NFIA: variants seen among roughly 807,000 people sequenced by gnomAD.
NFIA encodes the protein nuclear factor I A.
A neutral mutation model predicts 62.8 loss-of-function variants in NFIA; 8 were observed. That is an observed-to-expected ratio of 0.13 (90% CI 0.07 to 0.23). The LOEUF is 0.23. Ranked by LOEUF, NFIA falls within the 10% of genes least tolerant of loss-of-function variation. NFIA has a pLI of 1.00. For missense variants in NFIA, 410 were observed against 642.1 expected (o/e 0.64, Z 3.91); for synonymous variants, 235 against 238.1 (o/e 0.99, Z 0.12).
chr1:61,156,567 T>C (rs1648831468), intron 2 of NFIA, among the ~76,000 whole-genome samples: 1 of 152,162 alleles, frequency 6.6e-6, no homozygotes, highest in South Asian at 2.1e-4. Context: ...CTCTAAACTG[T>C]TAGGCTGAAA....
chr1:61,166,914 G>A (rs1424549700), intron 2 of NFIA, among the ~76,000 whole-genome samples: 1 of 152,230 alleles, frequency 6.6e-6, no homozygotes, highest in Non-Finnish European at 1.5e-5. Flanking sequence ...GGCCAAGGCG[G>A]GCGGATCACA....
upstream of NFIA, among the ~76,000 whole-genome samples, chr1:61,078,643 G>C (rs1646060454): frequency 6.6e-6 from 1 of 152,170 alleles, no homozygotes; most frequent in Non-Finnish European, 1.5e-5. Context: ...TTTCACATGT[G>C]GACTAGCAGC....
intron 2 of NFIA, among the ~76,000 whole-genome samples, chr1:61,151,711 G>A (rs542608889): frequency 2.6e-5 from 4 of 152,218 alleles, no homozygotes; most frequent in South Asian, 2.1e-4. Context: ...TGCTTTGACC[G>A]AGAGACACAC....
intron 2 of NFIA, among the ~76,000 whole-genome samples, chr1:61,207,421 T>C (rs1652971959): frequency 6.6e-6 from 1 of 152,200 alleles, no homozygotes; most frequent in Non-Finnish European, 1.5e-5. Context: ...TTTTTTATTG[T>C]TTTTTAACTT....
intron 3 of NFIA, among the ~76,000 whole-genome samples, chr1:61,295,141 AT>A (rs1246223893): frequency 1.3e-5 from 2 of 152,216 alleles, no homozygotes; most frequent in Non-Finnish European, 2.9e-5. Flanking sequence ...CCATCCTCAT[AT>A]GCGCATAGCC....
chr1:61,135,690 T>C (rs575069311), intron 2 of NFIA, among the ~76,000 whole-genome samples: 7 of 152,336 alleles, frequency 4.6e-5, no homozygotes, highest in Non-Finnish European at 8.8e-5. Context: ...TTGAATTTTC[T>C]TAAACCTAAA....
intron 2 of NFIA, among the ~76,000 whole-genome samples, chr1:61,227,755 G>A (rs1654421519): frequency 6.6e-6 from 1 of 152,148 alleles, no homozygotes; most frequent in African/African-American, 2.4e-5. Context: ...TAACCAGTAA[G>A]TAAATAAAAC....
chr1:61,413,514 T>A (rs944293055), intron 9 of NFIA, among the ~76,000 whole-genome samples: 1 of 151,924 alleles, frequency 6.6e-6, no homozygotes, highest in African/African-American at 2.4e-5. Flanking sequence ...TACCTCATAC[T>A]GTAACTGAAC....
rs1055934078 is a variant in NFIA, at chr1:61,460,280, TAAA to T, written c.*4964_*4966del. On this transcript the variant is annotated 3_prime_UTR_variant, in exon 11 of 11. Coordinates refer to ENST00000403491, the MANE Select transcript of NFIA (RefSeq NM_001134673.4). ...TATGTTTTCCTTTTATTTTTTCCAA[TAAA>T]AAAGCAGTGGGATGAAAATTGCTTT... is the stretch of plus-strand genomic sequence containing the variant. 1 of 152,142 alleles carries T rather than the reference TAAA, an allele frequency of 6.6e-6. No homozygotes were observed. The highest frequency in any genetic ancestry group is 6.5e-5 in the Admixed American group (1 of 15,274). 9.4% of individuals were successfully genotyped at this position (152,142 alleles called of 1,614,324 possible). A position where few individuals can be genotyped will look rare whatever the true frequency, so the allele number is the denominator to read the frequency against.
intron 2 of NFIA, among the ~76,000 whole-genome samples, chr1:61,147,294 G>A (rs574903878): frequency 1.3e-5 from 2 of 152,248 alleles, no homozygotes; most frequent in South Asian, 4.1e-4. Flanking sequence ...GGAATTACAG[G>A]TGGGCACCAC....
intron 7 of NFIA, among the ~76,000 whole-genome samples, chr1:61,384,144 G>A (rs1410105330): frequency 2.6e-5 from 4 of 152,148 alleles, no homozygotes; most frequent in Non-Finnish European, 4.4e-5. Flanking sequence ...TTGTAGCCAT[G>A]TTTGCTTTCC....
rs1486606340 is a variant in NFIA at position 61,082,688 on chromosome 1, CTCTCTCTCTT to C, written c.-103_-94del. On this transcript the variant is annotated 5_prime_UTR_variant, in exon 1 of 11. Coordinates refer to ENST00000403491, the MANE Select transcript of NFIA (RefSeq NM_001134673.4). ...TCTCCCCCCTTCTCTCTCTCTCTCT[CTCTCTCTCTT>C]CCTCTCTCCCTCTTTCTCCTCTCTC... 3 of 1,541,264 alleles carry C rather than the reference CTCTCTCTCTT, an allele frequency of 1.9e-6. No homozygotes were observed. Among genetic ancestry groups the C allele is most frequent in the Non-Finnish European group, 2.6e-6 (3 of 1,141,204 alleles).
At chr1:61,105,342 C>A (rs1007832980) in intron 2 of NFIA, among the ~76,000 whole-genome samples, 1 of 151,938 alleles carries the variant, frequency 6.6e-6, no homozygotes, top group African/African-American at 2.4e-5. Context: ...TAACATTACA[C>A]TACAATATGT....
chr1:61,331,582 A>G (rs1553173977), intron 3 of NFIA, among the ~76,000 whole-genome samples: 1 of 152,092 alleles, frequency 6.6e-6, no homozygotes, highest in Non-Finnish European at 1.5e-5. Context: ...TCGGCCAACA[A>G]TTTTTTGACC....
At chr1:61,198,478 A>G (rs900606663) in intron 2 of NFIA, among the ~76,000 whole-genome samples, 1 of 152,200 alleles carries the variant, frequency 6.6e-6, no homozygotes, top group African/African-American at 2.4e-5. Context: ...GTGTGAAAGT[A>G]CTAGGGTCTT....
chr1:61,345,784 G>A (rs1214584892), intron 4 of NFIA, among the ~76,000 whole-genome samples: 1 of 152,150 alleles, frequency 6.6e-6, no homozygotes. Flanking sequence ...CTGATTCATG[G>A]CAAAATTGTT....
chr1:61,253,951 T>C (rs1440165139), intron 2 of NFIA, among the ~76,000 whole-genome samples: 4 of 152,252 alleles, frequency 2.6e-5, no homozygotes, highest in Non-Finnish European at 1.5e-5. Flanking sequence ...TTTAAAACTT[T>C]TTTTTTCTAT....
At chr1:61,446,919 C>T (rs1667836203) in intron 10 of NFIA, among the ~76,000 whole-genome samples, 2 of 152,168 alleles carry the variant, frequency 1.3e-5, no homozygotes, top group African/African-American at 4.8e-5. Context: ...CCGGCCTCCA[C>T]TCCCACGCCT....
At chr1:61,390,489 TTATATGCTCTATAAACCTCTCTAAGTCCA>T in intron 7 of NFIA, among the ~76,000 whole-genome samples, 1 of 152,138 alleles carries the variant, frequency 6.6e-6, no homozygotes, top group African/African-American at 2.4e-5. Context: ...AGTCAGAAGT[TTATATGCTCTATAAACCTCTCTAAGTCCA>T]TGATCCTCCT....
Sources: allele counts gnomAD v4.1 joint callset (sites outside exome capture counted in the v4.1 genomes callset), GRCh38; gene constraint gnomAD v4.1.1; transcripts MANE v1.5; gene names NCBI Gene and HGNC (gene_info 2026-07-23, HGNC 2026-07-21).